NBAS: variants seen among roughly 807,000 people sequenced by gnomAD.
The protein encoded by NBAS is NBAS subunit of NRZ tethering complex, also known as NAG/BC035112 fusion.
In NBAS, 219 loss-of-function variants were observed where a neutral mutation model predicts 302.5. The ratio of observed to expected loss-of-function variants is 0.72; its 90% CI spans 0.65 to 0.81. The LOEUF (loss-of-function observed/expected upper bound fraction) is 0.81. Ranked by LOEUF, NBAS falls within the 30% of genes least tolerant of loss-of-function variation. The pLI is 0.00. For missense variants in NBAS, 2,932 were observed against 2,841.6 expected (o/e 1.03, Z -0.72); for synonymous variants, 1,118 against 1,021.6 (o/e 1.09, Z -1.80).
chr2:14,994,310 G>T, the NBAS span, among the ~76,000 whole-genome samples: 1 of 152,212 alleles, frequency 6.6e-6, no homozygotes, highest in African/African-American at 2.4e-5. Context: ...AGATGGTGAA[G>T]GGATTGTTTC....
chr2:15,428,877 A>G (rs949721733), intron 21 of NBAS, among the ~76,000 whole-genome samples: 25 of 150,078 alleles, frequency 1.7e-4, no homozygotes, highest in African/African-American at 5.9e-4. Context: ...CCCCGTTTCT[A>G]CTAAAAATAT....
At chr2:15,368,973 G>A (rs751417609) in intron 31 of NBAS, among the ~76,000 whole-genome samples, 3 of 152,126 alleles carry the variant, frequency 2.0e-5, no homozygotes, top group Non-Finnish European at 2.9e-5. Context: ...AAAACTCACC[G>A]ATACAGTATA....
At chr2:14,833,028 A>T in the NBAS span, among the ~76,000 whole-genome samples, 24 of 152,306 alleles carry the variant, frequency 1.6e-4, no homozygotes, top group African/African-American at 5.3e-4. Context: ...AATAGCAGAC[A>T]TTGTCTAAAG....
chr2:14,801,769 T>G, the NBAS span, among the ~76,000 whole-genome samples: 1 of 152,236 alleles, frequency 6.6e-6, no homozygotes, highest in African/African-American at 2.4e-5. Context: ...AGAGCTTTGC[T>G]GAGGGATGTG....
chr2:14,895,408 C>T, the NBAS span, among the ~76,000 whole-genome samples: 1 of 152,040 alleles, frequency 6.6e-6, no homozygotes, highest in African/African-American at 2.4e-5. Flanking sequence ...GCAAATGCAA[C>T]GAAAACAAAA....
chr2:15,478,786 C>T (rs191912462), intron 12 of NBAS, among the ~76,000 whole-genome samples: 2 of 152,200 alleles, frequency 1.3e-5, no homozygotes, highest in Admixed American at 1.3e-4. Flanking sequence ...GCAGTCCTTC[C>T]TAAAAATGAA....
intron 29 of NBAS, among the ~76,000 whole-genome samples, chr2:15,382,541 A>G (rs1332536367): frequency 6.6e-6 from 1 of 152,192 alleles, no homozygotes; most frequent in Non-Finnish European, 1.5e-5. Context: ...GGAAAGAGGA[A>G]TATATTCCAG....
intron 21 of NBAS, among the ~76,000 whole-genome samples, chr2:15,438,942 A>G (rs967600729): frequency 6.6e-6 from 1 of 152,192 alleles, no homozygotes; most frequent in Non-Finnish European, 1.5e-5. Context: ...CAGCCAGAAT[A>G]CGAAAAACTA....
intron 33 of NBAS, among the ~76,000 whole-genome samples, chr2:15,354,029 G>A (rs763799950): frequency 6.6e-6 from 1 of 152,138 alleles, no homozygotes; most frequent in East Asian, 1.9e-4. Flanking sequence ...TCTGAATTCC[G>A]AAGATCTGAG....
chr2:15,295,765 C>T (rs1670521953), intron 40 of NBAS, among the ~76,000 whole-genome samples: 1 of 152,044 alleles, frequency 6.6e-6, no homozygotes. Context: ...GGTACATGGT[C>T]AAAGGGGGAG....
At chr2:15,155,590 C>T in the NBAS span, among the ~76,000 whole-genome samples, 1 of 152,172 alleles carries the variant, frequency 6.6e-6, no homozygotes, top group East Asian at 1.9e-4. Context: ...AATCAGGTCA[C>T]CCTTCTTTTG....
chr2:15,526,745 C>T (rs1662929564), intron 9 of NBAS, among the ~76,000 whole-genome samples: 1 of 152,002 alleles, frequency 6.6e-6, no homozygotes, highest in African/African-American at 2.4e-5. Context: ...AACAAAAGGT[C>T]CTCCTTCTGT....
At chr2:14,955,953 A>G in the NBAS span, among the ~76,000 whole-genome samples, 23,023 of 152,194 alleles carry the variant, frequency 0.15, 2,316 homozygotes, top group African/African-American at 0.29. Flanking sequence ...TGCAGCTGGC[A>G]TGAATTTGTC....
intron 35 of NBAS, among the ~76,000 whole-genome samples, chr2:15,343,571 A>G (rs1467307731): frequency 6.6e-6 from 1 of 152,176 alleles, no homozygotes; most frequent in Non-Finnish European, 1.5e-5. Context: ...AATAAGTATC[A>G]TAAGATAAAG....
chr2:15,192,881 T>C (rs1385722887), intron 48 of NBAS, among the ~76,000 whole-genome samples: 1 of 152,196 alleles, frequency 6.6e-6, no homozygotes, highest in Non-Finnish European at 1.5e-5. Flanking sequence ...TTATTTTCTG[T>C]ATGTGATGCA....
At chr2:14,972,543 T>G in the NBAS span, among the ~76,000 whole-genome samples, 666 of 152,318 alleles carry the variant, frequency 4.4e-3, 2 homozygotes, top group African/African-American at 0.015. Flanking sequence ...GCCATACATA[T>G]GAAATTAACC....
At chr2:15,300,700 A>G (rs1670757646) in intron 40 of NBAS, among the ~76,000 whole-genome samples, 1 of 152,200 alleles carries the variant, frequency 6.6e-6, no homozygotes, top group African/African-American at 2.4e-5. Context: ...CCTGTCTTCA[A>G]ATAAGGTTGC....
the NBAS span, among the ~76,000 whole-genome samples, chr2:15,008,079 G>T: frequency 2.6e-4 from 40 of 152,236 alleles, no homozygotes; most frequent in South Asian, 7.9e-3. Context: ...TTCCCCATTA[G>T]CCATGGCAAC....
chr2:15,000,101 A>G, the NBAS span, among the ~76,000 whole-genome samples: 2 of 152,230 alleles, frequency 1.3e-5, no homozygotes, highest in Non-Finnish European at 1.5e-5. Context: ...TTACTTAAAA[A>G]TGTTTTTAGT....
Sources: gnomAD v4.1 joint callset for allele counts (sites outside exome capture counted in the v4.1 genomes callset) on GRCh38, gnomAD v4.1.1 for gene constraint, MANE v1.5 for transcripts, NCBI Gene and HGNC (gene_info 2026-07-23, HGNC 2026-07-21) for gene names.